Variants in RGS6 observed in about 807,000 individuals in gnomAD.
The protein encoded by RGS6 is regulator of G protein signaling 6.
In RGS6, 30 loss-of-function variants were observed where a neutral mutation model predicts 78.5. The ratio of observed to expected loss-of-function variants is 0.38; its 90% CI spans 0.29 to 0.52. The LOEUF (loss-of-function observed/expected upper bound fraction) is 0.52. Among genes scored for constraint, RGS6 ranks in the 20% least tolerant of loss-of-function variants. The pLI is 0.85. For missense variants in RGS6, 495 were observed against 609.7 expected, an observed-to-expected ratio of 0.81 and a Z score of 1.98; for synonymous variants, 206 against 206.0, an observed-to-expected ratio of 1.00 and a Z score of 0.00.
Position 72,061,496 on chromosome 14 carries a change from A to G in RGS6, c.84+96621A>G, listed in dbSNP as rs1346676096. Among the ~76,000 whole-genome samples, 6 of 152,332 alleles carry G rather than the reference A, an allele frequency of 3.9e-5. No homozygotes were observed. The East Asian group carries it at 5.8e-4, about 15-fold the overall frequency. ...CTTTATTTAGCCACATTACTGAACA[A>G]GAGACAAGCTGATTATAGCATAATA... On this transcript the variant is annotated intron_variant, in intron 2 of 17. Transcript: ENST00000553525.
rs200656566 is a variant in RGS6 at position 72,002,616 on chromosome 14, T to A, written c.84+37741T>A. Among the ~76,000 whole-genome samples the A allele has an allele frequency of 5.1e-3, 731 of 143,744 alleles. 1 individual carries two copies. The highest frequency in any genetic ancestry group is 7.9e-3 in the Non-Finnish European group (514 of 64,706). The allele number at this position is 143,744 out of a possible 152,430, so 94.3% of individuals were successfully genotyped here. A position where few individuals can be genotyped will look rare whatever the true frequency, so the allele number is the denominator to read the frequency against. On this transcript the variant is annotated intron_variant, in intron 2 of 17. Transcript: ENST00000553525. ...TCTTGCCAACTTTTCAAAAAAAAAATGGGAACCCCTGGGCTCCTTGGGGAT... is the reference window on the plus strand; with the variant it reads ...TCTTGCCAACTTTTCAAAAAAAAAAAGGGAACCCCTGGGCTCCTTGGGGAT...
upstream of RGS6, among the ~76,000 whole-genome samples, chr14:71,929,952 A>G: frequency 6.6e-6 from 1 of 152,074 alleles, no homozygotes; most frequent in East Asian, 1.9e-4. Flanking sequence ...TTCTTTAAGT[A>G]TTTTCTCATT....
intron 1 of RGS6, among the ~76,000 whole-genome samples, chr14:71,938,397 G>T (rs1371690356): frequency 6.6e-6 from 1 of 152,190 alleles, no homozygotes; most frequent in Non-Finnish European, 1.5e-5. Flanking sequence ...TGCCCACTGG[G>T]AAGATTTCCC....
intron 16 of RGS6, among the ~76,000 whole-genome samples, chr14:72,539,255 TC>T (rs2097289613): frequency 6.6e-6 from 1 of 152,138 alleles, no homozygotes; most frequent in Non-Finnish European, 1.5e-5. Context: ...AGCTAAGAGT[TC>T]CCCACAATGG....
chr14:71,893,263 T>G, the RGS6 span, among the ~76,000 whole-genome samples: 2 of 152,358 alleles, frequency 1.3e-5, no homozygotes, highest in African/African-American at 4.8e-5. Flanking sequence ...ATTTTGTCAC[T>G]GATGAAATGA....
rs764808166 is a variant in RGS6 at position 72,563,181 on chromosome 14, C to T, written c.*714C>T. On this transcript the variant is annotated 3_prime_UTR_variant, in exon 18 of 18. Transcript: ENST00000553525. ...TCACATGTCTCAAGGGTCCAGCGTT[C>T]GAGGAAGCACTGTTGTAGATGACAG... 1.8e-4 allele frequency: 37 copies of T among 210,092 alleles called. No individual in the cohort carries two copies. The highest frequency in any genetic ancestry group is 5.5e-4 in the Admixed American group (11 of 19,866). 13.0% of individuals were successfully genotyped at this position (210,092 alleles called of 1,614,324 possible). A position where few individuals can be genotyped will look rare whatever the true frequency, so the allele number is the denominator to read the frequency against.
chr14:72,154,513 G>C (rs892056107), intron 2 of RGS6, among the ~76,000 whole-genome samples: 1 of 152,122 alleles, frequency 6.6e-6, no homozygotes, highest in African/African-American at 2.4e-5. Context: ...TGTTTGGGGG[G>C]GGTCCCTGAC....
At chr14:72,468,819 T>A (rs1032746772) in intron 7 of RGS6, among the ~76,000 whole-genome samples, 1 of 152,208 alleles carries the variant, frequency 6.6e-6, no homozygotes, top group Non-Finnish European at 1.5e-5. Context: ...CTATGAGCAG[T>A]GGAAGAGTCA....
chr14:72,497,766 C>T (rs1042560451), intron 13 of RGS6, among the ~76,000 whole-genome samples: 1 of 152,056 alleles, frequency 6.6e-6, no homozygotes, highest in Non-Finnish European at 1.5e-5. Context: ...TCTAATATTT[C>T]TGATGAGCCC....
At chr14:72,593,925 G>A in the RGS6 span, among the ~76,000 whole-genome samples, 1 of 148,198 alleles carries the variant, frequency 6.7e-6, no homozygotes, top group Non-Finnish European at 1.5e-5. Context: ...CCCTCATCCT[G>A]TGAGGGGAAA....
intron 2 of RGS6, 79 bp downstream of exon 2, chr14:71,964,954 T>C: frequency 2.5e-5 from 26 of 1,040,202 alleles, no homozygotes; most frequent in Non-Finnish European, 3.0e-5. Flanking sequence ...AAAAGACAAA[T>C]GTTTTCTGCC....
intron 7 of RGS6, 124 bp downstream of exon 7, chr14:72,465,946 G>T: frequency 7.5e-6 from 5 of 669,268 alleles, no homozygotes; most frequent in Admixed American, 5.9e-5. Flanking sequence ...TGGAAGGGAA[G>T]TATCTTCTAT....
chr14:72,228,558 T>G (rs1204141519), intron 2 of RGS6, among the ~76,000 whole-genome samples: 1 of 152,042 alleles, frequency 6.6e-6, no homozygotes, highest in Non-Finnish European at 1.5e-5. Flanking sequence ...CAAGGTGAGG[T>G]CAGAGGCAGG....
chr14:72,261,858 G>A (rs1017119646), intron 2 of RGS6, among the ~76,000 whole-genome samples: 3 of 152,072 alleles, frequency 2.0e-5, no homozygotes, highest in African/African-American at 7.2e-5. Context: ...CAAATTACTT[G>A]GTTAATTAAT....
intron 2 of RGS6, among the ~76,000 whole-genome samples, chr14:71,983,743 G>A (rs1323113673): frequency 3.3e-5 from 5 of 152,152 alleles, no homozygotes; most frequent in African/African-American, 1.2e-4. Flanking sequence ...CCAATTGATT[G>A]TGACCTCATC....
At chr14:72,119,697 G>A (rs972592258) in intron 2 of RGS6, among the ~76,000 whole-genome samples, 2 of 152,186 alleles carry the variant, frequency 1.3e-5, no homozygotes, top group African/African-American at 4.8e-5. Flanking sequence ...AGAGAAAGAT[G>A]TGATGGACTG....
At chr14:72,355,019 T>C (rs1460624162) in intron 3 of RGS6, among the ~76,000 whole-genome samples, 1 of 152,166 alleles carries the variant, frequency 6.6e-6, no homozygotes, top group Non-Finnish European at 1.5e-5. Context: ...ACTGATCTGT[T>C]GTTTTTCTTA....
intron 2 of RGS6, among the ~76,000 whole-genome samples, chr14:72,100,208 A>G (rs943942059): frequency 1.3e-5 from 2 of 152,150 alleles, no homozygotes; most frequent in African/African-American, 2.4e-5. Flanking sequence ...AGCATGGATA[A>G]GAAAGAATAT....
At chr14:72,066,647 G>C (rs1246587209) in intron 2 of RGS6, among the ~76,000 whole-genome samples, 1 of 151,372 alleles carries the variant, frequency 6.6e-6, no homozygotes, top group African/African-American at 2.4e-5. Context: ...ATTTTGTCTT[G>C]AGATAACAAA....
Sources: gnomAD v4.1 joint callset for allele counts (sites outside exome capture counted in the v4.1 genomes callset) on GRCh38, gnomAD v4.1.1 for gene constraint, MANE v1.5 for transcripts, NCBI Gene and HGNC (gene_info 2026-07-23, HGNC 2026-07-21) for gene names.